The following CELF4 variants were observed in gnomAD, a reference collection of about 807,000 sequenced individuals.
CELF4 encodes CUGBP Elav-like family member 4, also known as CUG-BP- and ETR-3-like factor 4.
In CELF4, 18 loss-of-function variants were observed where a neutral mutation model predicts 59.9. The ratio of observed to expected loss-of-function variants is 0.30; its 90% CI spans 0.21 to 0.45. The LOEUF (loss-of-function observed/expected upper bound fraction) is 0.45, where lower values mean the gene tolerates loss of function less well. Ranked by LOEUF, CELF4 falls within the 20% of genes least tolerant of loss-of-function variation. CELF4 has a pLI of 1.00. For missense variants in CELF4, 456 were observed against 689.0 expected (o/e 0.66, Z 3.79); for synonymous variants, 261 against 267.1 (o/e 0.98, Z 0.22).
chr18:37,557,241 A>T (rs573398397), intron 1 of CELF4, among the ~76,000 whole-genome samples: 67 of 152,328 alleles, frequency 4.4e-4, no homozygotes, highest in African/African-American at 1.5e-3. Context: ...GCATGCACAC[A>T]CACCCCCCTT....
In CELF4 at chr18:37,338,440, T is replaced by C. The variant is rs1181826124; in HGVS notation, c.370-16559A>G. Among the ~76,000 whole-genome samples the C allele has an allele frequency of 7.2e-4, 103 of 142,872 alleles. 4 individuals are homozygous for C. Among genetic ancestry groups the C allele is most frequent in the African/African-American group, 2.8e-3 (91 of 32,588 alleles). The allele number at this position is 142,872 out of a possible 152,430, so 93.7% of individuals were successfully genotyped here. ...ACCATTATCAGCACCTCTGTCACTGTCACCACTGTCACTACCACCATCATA... is the reference window on the plus strand; with the variant it reads ...ACCATTATCAGCACCTCTGTCACTGCCACCACTGTCACTACCACCATCATA... On this transcript the variant is annotated intron_variant, in intron 2 of 12. Transcript: ENST00000420428.
chr18:37,535,198 A>G (rs2099972562), intron 1 of CELF4, among the ~76,000 whole-genome samples: 1 of 152,184 alleles, frequency 6.6e-6, no homozygotes, highest in African/African-American at 2.4e-5. Flanking sequence ...CTAATTGGTG[A>G]TTCTGGAATT....
chr18:37,320,379 C>T (rs2097065453), intron 3 of CELF4, among the ~76,000 whole-genome samples: 1 of 151,832 alleles, frequency 6.6e-6, no homozygotes, highest in African/African-American at 2.4e-5. Context: ...TTACGCTCCC[C>T]TTGGTGGCCT....
intron 1 of CELF4, among the ~76,000 whole-genome samples, chr18:37,554,276 A>C (rs1174151144): frequency 2.6e-5 from 4 of 152,134 alleles, no homozygotes; most frequent in Non-Finnish European, 4.4e-5. Context: ...AGTGACCCGC[A>C]GGGCTCTTTG....
At chr18:37,510,277 T>C (rs1208737685) in intron 1 of CELF4, among the ~76,000 whole-genome samples, 1 of 152,174 alleles carries the variant, frequency 6.6e-6, no homozygotes, top group Admixed American at 6.5e-5. Flanking sequence ...AGTGCACAGT[T>C]CCTCAGTGCA....
At chr18:37,503,240 C>T (rs2099933840) in intron 1 of CELF4, among the ~76,000 whole-genome samples, 1 of 152,250 alleles carries the variant, frequency 6.6e-6, no homozygotes, top group Non-Finnish European at 1.5e-5. Context: ...ACCTGTCTGC[C>T]TCAAAGGTCA....
chr18:37,349,244 C>T (rs972326019), intron 2 of CELF4, among the ~76,000 whole-genome samples: 2 of 152,200 alleles, frequency 1.3e-5, no homozygotes, highest in Admixed American at 6.5e-5. Context: ...AACCTGAACT[C>T]GCATCAAGGA....
rs527413995 is a variant in CELF4, at chr18:37,500,171, A to G, written c.287-14564T>C. Among the ~76,000 whole-genome samples the G allele has an allele frequency of 5.3e-5, 8 of 152,332 alleles. No individual in the cohort carries two copies. In the East Asian group the frequency reaches 1.4e-3, roughly 26 times the overall value. On this transcript the variant is annotated intron_variant, in intron 1 of 12. Coordinates refer to ENST00000420428, the MANE Select transcript of CELF4 (RefSeq NM_020180.4). ...GGAATCGGGAGAACAGATTCATGCG[A>G]GGAGGTGTAGGCCTAGTGCAGCCAG...
chr18:37,275,349 G>A lies in CELF4; in HGVS notation c.449-106C>T, dbSNP rs1346911094. ...GCAGGGAAAGGGAGGAGCCGGGGAG[G>A]CGGGGCGGGGGCTCGGAGCCGGCGG... is the stretch of plus-strand genomic sequence containing the variant. On this transcript the variant is annotated intron_variant, in intron 3 of 12. Transcript: ENST00000420428. 5.2e-6 allele frequency: 7 copies of A among 1,352,592 alleles called. No individual in the cohort carries two copies. The East Asian group carries it at 1.6e-4, about 31-fold the overall frequency. The allele number at this position is 1,352,592 out of a possible 1,614,324, so 83.8% of individuals were successfully genotyped here. A position where few individuals can be genotyped will look rare whatever the true frequency, so the allele number is the denominator to read the frequency against.
chr18:37,286,947 C>T (rs1262659059), intron 3 of CELF4, among the ~76,000 whole-genome samples: 1 of 152,180 alleles, frequency 6.6e-6, no homozygotes, highest in Non-Finnish European at 1.5e-5. Context: ...AGAACGTTGT[C>T]TTATGTGCCT....
chr18:37,255,688 G>A (rs1238931232), intron 11 of CELF4, among the ~76,000 whole-genome samples: 1 of 152,140 alleles, frequency 6.6e-6, no homozygotes, highest in Non-Finnish European at 1.5e-5. Flanking sequence ...TATGTGAATT[G>A]TGTGTTGATA....
intron 3 of CELF4, among the ~76,000 whole-genome samples, chr18:37,309,975 A>G (rs1018532275): frequency 6.6e-6 from 1 of 151,314 alleles, no homozygotes; most frequent in Non-Finnish European, 1.5e-5. Flanking sequence ...TCACATGCTC[A>G]ATATAGCTGT....
rs529314017 is a variant in CELF4, at chr18:37,543,202, G to A, written c.286+22154C>T. ...GGTTAGAGGCTGTGAAACAGGAAGC[G>A]TTCTTCGAGGTGACCCATTTCATTC... On this transcript the variant is annotated intron_variant, in intron 1 of 12. Transcript: ENST00000420428. Among the ~76,000 whole-genome samples, 9 of 152,286 alleles carry A rather than the reference G, an allele frequency of 5.9e-5. No homozygotes were observed. In the East Asian group the frequency reaches 9.6e-4, roughly 16 times the overall value.
At chr18:37,383,354 C>T (rs979250073) in intron 2 of CELF4, among the ~76,000 whole-genome samples, 3 of 152,124 alleles carry the variant, frequency 2.0e-5, no homozygotes, top group Admixed American at 6.5e-5. Flanking sequence ...ATCCTGACAG[C>T]GCCACCCTGC....
At chr18:37,487,904 A>G (rs144434149) in intron 1 of CELF4, among the ~76,000 whole-genome samples, 36 of 152,234 alleles carry the variant, frequency 2.4e-4, no homozygotes, top group African/African-American at 8.4e-4. Context: ...GAGAGCTCAC[A>G]ACTTTATTGT....
In CELF4 at chr18:37,253,856, G is replaced by A; in HGVS notation, c.1416C>T (p.Leu472=). 1 of 1,608,856 alleles carries A rather than the reference G, an allele frequency of 6.2e-7. No homozygotes were observed. The highest frequency in any genetic ancestry group is 8.5e-7 in the Non-Finnish European group (1 of 1,177,898). The change falls in exon 12 of 13, where the codon CTC becomes CTT. Residue 472 remains leucine, a synonymous_variant. Transcript: ENST00000420428. This position sits in a 1 kb window ranked among gnomAD's most constrained non-coding sequence, Gnocchi z 4.5. ...CTTTGGGCCGCTTCAGCTGCACCTT[G>A]AGCCTCTTCATGCCGATCTGGAAGC... is the stretch of plus-strand genomic sequence containing the variant. ...MNGFQIGMKR[L]KVQLKRPKDA...
intron 3 of CELF4, among the ~76,000 whole-genome samples, chr18:37,312,110 C>CAAAAAAAAAAAAAAA (rs59872500): frequency 1.2e-4 from 6 of 50,700 alleles, no homozygotes; most frequent in Admixed American, 2.1e-4. Flanking sequence ...GATTCCGTCT[C>CAAAAAAAAAAAAAAA]AAAAAAAAAA....
At chr18:37,563,764 C>T (rs912617205) in intron 1 of CELF4, among the ~76,000 whole-genome samples, 1 of 152,104 alleles carries the variant, frequency 6.6e-6, no homozygotes, top group Non-Finnish European at 1.5e-5. Flanking sequence ...TTCCATTCTG[C>T]TGTGTTTTTG....
intron 1 of CELF4, among the ~76,000 whole-genome samples, chr18:37,564,062 G>A (rs188174606): frequency 6.6e-5 from 10 of 152,270 alleles, no homozygotes; most frequent in Admixed American, 2.0e-4. Flanking sequence ...ATGTGGGGGT[G>A]GGTGTGCGTG....
Sources: allele counts gnomAD v4.1 joint callset (sites outside exome capture counted in the v4.1 genomes callset), GRCh38; gene constraint gnomAD v4.1.1; non-coding constraint Gnocchi (gnomAD v3.1); transcripts MANE v1.5; gene names NCBI Gene and HGNC (gene_info 2026-07-23, HGNC 2026-07-21).